The following TBL1X variants were observed in gnomAD, a reference collection of about 807,000 sequenced individuals.
TBL1X encodes transducin beta like 1 X-linked.
TBL1X carries 10 observed loss-of-function variants against 50.7 expected under a neutral mutation model. The ratio of observed to expected loss-of-function variants is 0.20; its 90% CI spans 0.12 to 0.33. TBL1X has a LOEUF of 0.33. Ranked by LOEUF, TBL1X falls within the 10% of genes least tolerant of loss-of-function variation. The probability of loss-of-function intolerance (pLI) is 1.00; values close to 1 mark genes in which losing one functional copy is unlikely to be tolerated. For missense variants in TBL1X, 340 were observed against 504.4 expected (o/e 0.67, Z 3.12); for synonymous variants, 190 against 214.7 (o/e 0.88, Z 1.01).
At chrX:9,562,011 A>G (rs1172235129) in intron 2 of TBL1X, among the ~76,000 whole-genome samples, 1 of 112,289 alleles carries the variant, frequency 8.9e-6, no homozygotes, top group African/African-American at 3.2e-5. Flanking sequence ...GTGCTTGACA[A>G]TTAGATTTAA....
rs1382122910 is a variant in TBL1X at position 9,472,435 on chromosome X, CTTTCTTTTT to C, written c.-201+6992_-201+7000del. Among the ~76,000 whole-genome samples, 3 of 55,478 alleles carry C rather than the reference CTTTCTTTTT, an allele frequency of 5.4e-5. No individual in the cohort carries two copies. The East Asian group carries it at 1.2e-3, about 21-fold the overall frequency. The allele number at this position is 55,478 out of a possible 115,157, so 48.2% of individuals were successfully genotyped here. ...TCAGCATGTCCAGCTTTTTTTTTTT[CTTTCTTTTT>C]TTTTTTTTTTTTAATTTTCAATTTT... On this transcript the variant is annotated intron_variant, in intron 1 of 17. Transcript: ENST00000645353.
At chrX:9,560,411 C>T (rs988131881) in intron 2 of TBL1X, 13 of 112,227 alleles carry the variant, frequency 1.2e-4, no homozygotes, top group African/African-American at 3.9e-4. Context: ...AGGCCAGCTG[C>T]ATCCCAGATA....
intron 2 of TBL1X, among the ~76,000 whole-genome samples, chrX:9,534,083 G>T (rs1443883560): frequency 2.7e-5 from 3 of 111,459 alleles, no homozygotes; most frequent in Non-Finnish European, 5.7e-5. Flanking sequence ...AGGTCGGGTC[G>T]GTGTTGTATC....
chrX:9,562,439 T>C (rs2082329116), intron 2 of TBL1X, among the ~76,000 whole-genome samples: 1 of 112,124 alleles, frequency 8.9e-6, no homozygotes, highest in African/African-American at 3.2e-5. Context: ...GAAGTACTGA[T>C]TTTGCCAGTT....
At chrX:9,691,435 CA>C (rs367934787) in intron 7 of TBL1X, 143 bp from the exon 8 acceptor site, 35,193 of 325,986 alleles carry the variant, frequency 0.11, 1 homozygote, top group East Asian at 0.12. Flanking sequence ...GATTCCGTCT[CA>C]AAAAAAAAAA....
intron 2 of TBL1X, among the ~76,000 whole-genome samples, chrX:9,598,654 A>T (rs2082537791): frequency 8.9e-6 from 1 of 112,178 alleles, no homozygotes; most frequent in Admixed American, 9.4e-5. Context: ...ATGCCATAAC[A>T]AAGCGCTGCT....
intron 2 of TBL1X, chrX:9,636,485 AAACAACAACAACAACAACAACAACAAC>A (rs60010378): frequency 9.8e-5 from 10 of 101,554 alleles, no homozygotes; most frequent in African/African-American, 3.6e-4. Context: ...AAACAAAGCA[AAACAACAACAACAACAACAACAACAAC>A]AACAACAACA....
chrX:9,466,865 A>G (rs1408153596), intron 1 of TBL1X, among the ~76,000 whole-genome samples: 1 of 112,507 alleles, frequency 8.9e-6, no homozygotes, highest in Non-Finnish European at 1.9e-5. Context: ...CAAGCTGGGT[A>G]ACTAATGCAA....
chrX:9,545,818 T>C (rs2082239345), intron 2 of TBL1X, among the ~76,000 whole-genome samples: 2 of 111,312 alleles, frequency 1.8e-5, no homozygotes, highest in African/African-American at 6.6e-5. Flanking sequence ...TCTCCAGTTG[T>C]TTGATCCAAG....
At chrX:9,711,569 C>T (rs755995762) in intron 15 of TBL1X, 42 bp from the exon 16 acceptor site, 12 of 1,118,370 alleles carry the variant, frequency 1.1e-5, no homozygotes, top group Non-Finnish European at 1.4e-5. Context: ...TGTTTGAAAC[C>T]ACCGTGTGTA....
intron 7 of TBL1X, 129 bp from the exon 8 acceptor site, chrX:9,691,450 A>AAG (rs2083096830): frequency 2.5e-4 from 167 of 659,488 alleles, no homozygotes; most frequent in Middle Eastern, 7.0e-4. Context: ...AAAAAAAAAA[A>AAG]AAAAGAAAAG....
intron 2 of TBL1X, among the ~76,000 whole-genome samples, chrX:9,594,872 G>C (rs1281264743): frequency 9.0e-6 from 1 of 111,603 alleles, no homozygotes; most frequent in East Asian, 2.8e-4. Flanking sequence ...TTGAATTGTC[G>C]GTGTATACCC....
At chrX:9,693,482 A>G in intron 11 of TBL1X, 63 bp downstream of exon 11, 1 of 1,036,180 alleles carries the variant, frequency 9.7e-7, no homozygotes, top group Non-Finnish European at 1.3e-6. Context: ...TTAATCTCAA[A>G]ATAACATCGT....
intron 2 of TBL1X, among the ~76,000 whole-genome samples, chrX:9,598,066 A>G (rs1250710608): frequency 9.0e-6 from 1 of 111,267 alleles, no homozygotes; most frequent in Non-Finnish European, 1.9e-5. Flanking sequence ...GGAAATTTGG[A>G]CACACTCGTA....
At chrX:9,467,987 C>T (rs913702613) in intron 1 of TBL1X, among the ~76,000 whole-genome samples, 2 of 112,519 alleles carry the variant, frequency 1.8e-5, no homozygotes, top group African/African-American at 6.5e-5. Flanking sequence ...CCAAGCTGGC[C>T]CCCTCCCACA....
At chrX:9,479,749 T>C (rs954440160) in intron 1 of TBL1X, among the ~76,000 whole-genome samples, 1 of 111,708 alleles carries the variant, frequency 9.0e-6, no homozygotes, top group Non-Finnish European at 1.9e-5. Context: ...TGGGGACACA[T>C]GGAGTTAGCC....
intron 11 of TBL1X, 112 bp from the exon 12 acceptor site, chrX:9,697,257 G>A: frequency 1.0e-6 from 1 of 984,860 alleles, no homozygotes. Flanking sequence ...TATCTCTATT[G>A]GACAGTGCCG....
chrX:9,596,051 T>C (rs2082525158), intron 2 of TBL1X, among the ~76,000 whole-genome samples: 1 of 112,236 alleles, frequency 8.9e-6, no homozygotes, highest in South Asian at 3.7e-4. Context: ...TTAGACTTTA[T>C]AACATTACAC....
chrX:9,713,450 G>A (rs1262198000), intron 16 of TBL1X, among the ~76,000 whole-genome samples: 16 of 72,663 alleles, frequency 2.2e-4, no homozygotes, highest in East Asian at 6.7e-4. Flanking sequence ...TTTTTGGATC[G>A]GAGTTTCACT....
Sources: allele counts gnomAD v4.1 joint callset (sites outside exome capture counted in the v4.1 genomes callset), GRCh38; gene constraint gnomAD v4.1.1; transcripts MANE v1.5; gene names NCBI Gene and HGNC (gene_info 2026-07-23, HGNC 2026-07-21).